PTH2R: variants seen among roughly 807,000 people sequenced by gnomAD.
The protein encoded by PTH2R is PTH2 receptor.
Under a neutral mutation model 60.3 loss-of-function variants are expected in PTH2R, and 59 were observed. The ratio of observed to expected loss-of-function variants is 0.98; its 90% CI spans 0.79 to 1.22. The LOEUF (loss-of-function observed/expected upper bound fraction) is 1.22. Ranked by LOEUF, PTH2R falls within the 50% of genes most tolerant of loss-of-function variation. PTH2R has a pLI of 0.00. For synonymous variants in PTH2R, 256 were observed against 243.8 expected, an observed-to-expected ratio of 1.05 and a Z score of -0.47; for missense variants, 749 against 682.6, an observed-to-expected ratio of 1.10 and a Z score of -1.08.
Position 208,493,300 on chromosome 2 carries a change from A to T in PTH2R, c.1294A>T (p.Asn432Tyr). ...AEVKKMWSRW[N>Y]LSVDWKRTPP... ...GGTGAAGAAGATGTGGAGTCGGTGG[A>T]ACCTCTCCGTGGACTGGAAAAGGAC... Residue 432 changes from asparagine to tyrosine, a missense_variant, in exon 13 of 13, where the codon AAC (asparagine) becomes TAC (tyrosine). Transcript: ENST00000272847. 6.6e-7 allele frequency: 1 copy of T among 1,521,868 alleles called. No individual in the cohort carries two copies. The highest frequency in any genetic ancestry group is 1.4e-5 in the African/African-American group (1 of 72,280). 94.3% of individuals were successfully genotyped at this position (1,521,868 alleles called of 1,614,324 possible).
rs544688735 is a variant in PTH2R at position 208,459,587 on chromosome 2, A to T, written c.915-308A>T. On this transcript the variant is annotated intron_variant, in intron 8 of 12. Transcript: ENST00000272847. The stretch of plus-strand genomic sequence containing the variant: ...ATAGTAAAAGTGAAGTATCAGTTGT[A>T]TGACATTTAGAAGACTATTACCTTT... 7.2e-5 allele frequency among the ~76,000 whole-genome samples: 11 copies of T among 152,288 alleles called. No individual in the cohort carries two copies. In the East Asian group the frequency reaches 2.1e-3, roughly 29 times the overall value.
At chr2:208,421,796 T>C (rs1701761525) in intron 1 of PTH2R, among the ~76,000 whole-genome samples, 1 of 152,206 alleles carries the variant, frequency 6.6e-6, no homozygotes, top group African/African-American at 2.4e-5. Flanking sequence ...TTCATAAAAC[T>C]GATTTGTTAC....
chr2:208,398,052 A>C (rs183505011), intron 1 of PTH2R, among the ~76,000 whole-genome samples: 5 of 152,360 alleles, frequency 3.3e-5, no homozygotes, highest in Non-Finnish European at 5.9e-5. Context: ...CAATTTATTC[A>C]TGAAACTTAA....
At chr2:208,370,571 A>T (rs1700681372) in intron 1 of PTH2R, among the ~76,000 whole-genome samples, 1 of 151,648 alleles carries the variant, frequency 6.6e-6, no homozygotes, top group African/African-American at 2.4e-5. Flanking sequence ...GTTCAACAGA[A>T]TATGGACCAG....
Position 208,444,856 on chromosome 2 carries a change from A to G in PTH2R, c.822A>G (p.Lys274=), listed in dbSNP as rs770020993. ...TTGTGGCTTTCTTTTCGGACACCAA[A>G]TACCTGTGGGGCTTCATCTTGATAG... ...LIFVAFFSDT[K]YLWGFILIGW... The change falls in exon 7 of 13, where the codon AAA becomes AAG. Residue 274 remains lysine, a synonymous_variant. Transcript: ENST00000272847. The G allele has an allele frequency of 1.2e-6, 2 of 1,613,850 alleles. No individual in the cohort carries two copies. Among genetic ancestry groups the G allele is most frequent in the African/African-American group, 1.3e-5 (1 of 75,030 alleles).
intron 2 of PTH2R, among the ~76,000 whole-genome samples, chr2:208,435,273 G>A (rs1702051782): frequency 1.3e-5 from 2 of 152,162 alleles, no homozygotes; most frequent in Non-Finnish European, 2.9e-5. Flanking sequence ...GCTATAATGG[G>A]TAGTACTTGT....
intron 1 of PTH2R, among the ~76,000 whole-genome samples, chr2:208,379,634 C>T (rs1433867475): frequency 5.1e-5 from 6 of 118,058 alleles, no homozygotes; most frequent in Non-Finnish European, 1.2e-4. Flanking sequence ...CCCAGGTGGG[C>T]GGATCACTTG....
chr2:208,451,112 G>T (rs529005413), intron 8 of PTH2R, among the ~76,000 whole-genome samples: 1 of 152,050 alleles, frequency 6.6e-6, no homozygotes, highest in African/African-American at 2.4e-5. Flanking sequence ...ATCCACTTAG[G>T]ATTTAGTGAA....
rs371109380 is a variant in PTH2R, at chr2:208,449,454, A to ATAGATAGATAGATAGATAG, written c.854-1295_854-1294insTAGATAGATAGATAGATAG. ...GAGAAATGTGATAGATAGATAGATA[A>ATAGATAGATAGATAGATAG]ATAGATAGATAGATAGATAGATAGA... On this transcript the variant is annotated intron_variant, in intron 7 of 12. Transcript: ENST00000272847. Among the ~76,000 whole-genome samples the ATAGATAGATAGATAGATAG allele has an allele frequency of 8.0e-4, 120 of 150,424 alleles. 1 individual carries two copies. Among genetic ancestry groups the ATAGATAGATAGATAGATAG allele is most frequent in the Middle Eastern group, 3.4e-3 (1 of 294 alleles).
chr2:208,479,318 C>A (rs1559232380), intron 9 of PTH2R, among the ~76,000 whole-genome samples: 1 of 152,100 alleles, frequency 6.6e-6, no homozygotes, highest in African/African-American at 2.4e-5. Flanking sequence ...TTAAGGTTGG[C>A]CCATCAGAAG....
chr2:208,489,608 CT>C (rs1703357916), intron 11 of PTH2R, among the ~76,000 whole-genome samples: 2 of 152,172 alleles, frequency 1.3e-5, no homozygotes, highest in African/African-American at 4.8e-5. Flanking sequence ...ACATGGATTA[CT>C]CTTTGTCCTG....
In PTH2R at chr2:208,389,349, T is replaced by G. The variant is rs561581121; in HGVS notation, c.-259+29112T>G. Among the ~76,000 whole-genome samples the G allele has an allele frequency of 4.0e-4, 61 of 152,276 alleles. 1 individual carries two copies. The South Asian group carries it at 0.012, about 31-fold the overall frequency. ...TTTATATATCATTTCATTAAAATTTTTCCTTCTTATTAGTCTTAGCTCGTC... is the reference window on the plus strand; with the variant it reads ...TTTATATATCATTTCATTAAAATTTGTCCTTCTTATTAGTCTTAGCTCGTC... On this transcript the variant is annotated intron_variant, in intron 1 of 12. Coordinates refer to the PTH2R transcript ENST00000617735.
chr2:208,442,293 A>C (rs1702200469), intron 4 of PTH2R, 71 bp from the exon 5 acceptor site: 1 of 1,085,480 alleles, frequency 9.2e-7, no homozygotes, highest in East Asian at 2.4e-5. Flanking sequence ...TCCAAAAATG[A>C]CATACTATTT....
At chr2:208,398,740 G>GTGCT (rs1394958708) in intron 1 of PTH2R, among the ~76,000 whole-genome samples, 1 of 152,042 alleles carries the variant, frequency 6.6e-6, no homozygotes, top group Admixed American at 6.6e-5. Context: ...TCTCGATTTT[G>GTGCT]TGCTGTTTGA....
intron 9 of PTH2R, among the ~76,000 whole-genome samples, chr2:208,471,483 A>C (rs1042475061): frequency 3.9e-5 from 6 of 152,230 alleles, no homozygotes; most frequent in Non-Finnish European, 8.8e-5. Context: ...ATGGCTTCAG[A>C]GGGTGCAAGC....
intron 1 of PTH2R, among the ~76,000 whole-genome samples, chr2:208,363,802 C>T (rs1250896125): frequency 1.3e-5 from 2 of 152,038 alleles, no homozygotes; most frequent in Admixed American, 6.6e-5. Flanking sequence ...GCTTGTTGGC[C>T]GCATGTGTCT....
chr2:208,405,586 C>G (rs1701386716), upstream of PTH2R, among the ~76,000 whole-genome samples: 1 of 152,206 alleles, frequency 6.6e-6, no homozygotes, highest in Admixed American at 6.5e-5. Flanking sequence ...TATTCATCAT[C>G]ACCAAACAAT....
intron 1 of PTH2R, chr2:208,360,319 C>T (rs1005021930): frequency 1.2e-5 from 4 of 326,026 alleles, no homozygotes; most frequent in South Asian, 4.9e-5. Flanking sequence ...TAGGAACTTT[C>T]GCCACACCCG....
intron 12 of PTH2R, 94 bp downstream of exon 12, chr2:208,490,774 A>T: frequency 8.3e-7 from 1 of 1,211,438 alleles, no homozygotes; most frequent in Non-Finnish European, 1.2e-6. Context: ...CAGGATTTCC[A>T]GGATGGAATG....
Sources: allele counts gnomAD v4.1 joint callset (sites outside exome capture counted in the v4.1 genomes callset), GRCh38; gene constraint gnomAD v4.1.1; transcripts MANE v1.5; gene names NCBI Gene and HGNC (gene_info 2026-07-23, HGNC 2026-07-21).